CSMD1: variants seen among roughly 807,000 people sequenced by gnomAD.
The protein encoded by CSMD1 is CUB and Sushi multiple domains 1.
CSMD1 carries 213 observed loss-of-function variants against 417.5 expected under a neutral mutation model. The ratio of observed to expected loss-of-function variants is 0.51; its 90% CI spans 0.46 to 0.57. The LOEUF (loss-of-function observed/expected upper bound fraction) is 0.57. Among genes scored for constraint, CSMD1 ranks in the 20% least tolerant of loss-of-function variants. The pLI is 0.00. For missense variants in CSMD1, 6,923 were observed against 4,529.7 expected (o/e 1.53, Z -15.17); for synonymous variants, 2,862 against 1,736.8 (o/e 1.65, Z -16.11).
At chr8:2,954,661 C>T (rs556159667) in intron 64 of CSMD1, among the ~76,000 whole-genome samples, 153 of 152,280 alleles carry the variant, frequency 1.0e-3, no homozygotes, top group Non-Finnish European at 1.8e-3. Context: ...ATACCCCACC[C>T]AAATCAATCA....
chr8:3,900,149 G>C (rs1369770557), intron 5 of CSMD1, among the ~76,000 whole-genome samples: 1 of 152,080 alleles, frequency 6.6e-6, no homozygotes, highest in Non-Finnish European at 1.5e-5. Context: ...TGACAGTGCA[G>C]CTAGATGACA....
intron 11 of CSMD1, among the ~76,000 whole-genome samples, chr8:3,471,463 A>T (rs1448430306): frequency 6.6e-6 from 1 of 152,128 alleles, no homozygotes; most frequent in Non-Finnish European, 1.5e-5. Context: ...CTATATATCA[A>T]GTTTGGAATC....
chr8:3,905,889 A>G (rs887164239), intron 5 of CSMD1, among the ~76,000 whole-genome samples: 1 of 152,170 alleles, frequency 6.6e-6, no homozygotes, highest in Non-Finnish European at 1.5e-5. Context: ...CTGATCTCTT[A>G]CTATTTATTT....
rs149700524 is a variant in CSMD1 at position 4,277,240 on chromosome 8, T to C, written c.415+142713A>G. 6.6e-5 allele frequency among the ~76,000 whole-genome samples: 10 copies of C among 152,254 alleles called. No homozygotes were observed. In the East Asian group the frequency reaches 1.9e-3, roughly 29 times the overall value. On this transcript the variant is annotated intron_variant, in intron 3 of 69. Coordinates refer to ENST00000635120, the MANE Select transcript of CSMD1 (RefSeq NM_033225.6). ...ATACACACAGACACATACATACTGC[T>C]GTTAATCTTTAAGAATTTCTTATGA... is the stretch of plus-strand genomic sequence containing the variant.
At chr8:4,278,252 TC>T (rs2128857434) in intron 3 of CSMD1, among the ~76,000 whole-genome samples, 1 of 152,256 alleles carries the variant, frequency 6.6e-6, no homozygotes, top group African/African-American at 2.4e-5. Flanking sequence ...TGATTAAAAT[TC>T]AGTTTAATTT....
At chr8:3,509,913 G>T (rs1484421873) in intron 10 of CSMD1, among the ~76,000 whole-genome samples, 1 of 152,070 alleles carries the variant, frequency 6.6e-6, no homozygotes, top group East Asian at 1.9e-4. Context: ...AGCGATGAGG[G>T]CAACGCTTAA....
rs1554486884 is a variant in CSMD1, at chr8:4,461,162, C to CCACATA, written c.303-41098_303-41097insTATGTG. ...AAAATAAAGTCAGCTGATTGTCTTA[C>CCACATA]CAGATAAAAAGTGACAAAATTCAAC... On this transcript the variant is annotated intron_variant, in intron 2 of 69. Coordinates refer to ENST00000635120, the MANE Select transcript of CSMD1 (RefSeq NM_033225.6). Among the ~76,000 whole-genome samples the CCACATA allele has an allele frequency of 1.3e-5, 2 of 151,302 alleles. 1 individual carries two copies. Among genetic ancestry groups the CCACATA allele is most frequent in the Non-Finnish European group, 2.9e-5 (2 of 67,830 alleles).
At chr8:3,909,595 T>C (rs908989177) in intron 5 of CSMD1, among the ~76,000 whole-genome samples, 1 of 152,226 alleles carries the variant, frequency 6.6e-6, no homozygotes, top group South Asian at 2.1e-4. Context: ...GGAAAACTTC[T>C]AATAAGGCCC....
chr8:3,344,411 G>A (rs1161201437), intron 22 of CSMD1, among the ~76,000 whole-genome samples: 2 of 152,114 alleles, frequency 1.3e-5, no homozygotes, highest in African/African-American at 2.4e-5. Context: ...GTATACCTGG[G>A]TAACAAGCCT....
rs139561590 is a variant in CSMD1, at chr8:3,815,511, G to A, written c.819-61469C>T. On this transcript the variant is annotated intron_variant, in intron 5 of 69. Coordinates refer to ENST00000635120, the MANE Select transcript of CSMD1 (RefSeq NM_033225.6). ...AACTCAAAAATATGTGTAAGACTAT[G>A]TTTAAACAAGATATCAAACAAAATA... Among the ~76,000 whole-genome samples the A allele has an allele frequency of 2.6e-5, 4 of 151,266 alleles. No individual in the cohort carries two copies. The East Asian group carries it at 6.0e-4, about 23-fold the overall frequency.
chr8:4,486,660 G>A (rs1300595602), intron 2 of CSMD1, among the ~76,000 whole-genome samples: 1 of 152,030 alleles, frequency 6.6e-6, no homozygotes, highest in East Asian at 1.9e-4. Flanking sequence ...TATAGATGGG[G>A]AAACTGAAGT....
intron 5 of CSMD1, among the ~76,000 whole-genome samples, chr8:3,812,046 C>G (rs1345924464): frequency 6.6e-6 from 1 of 151,500 alleles, no homozygotes; most frequent in African/African-American, 2.4e-5. Flanking sequence ...AAAAAAAATT[C>G]CATAAAGCAT....
chr8:3,733,388 T>C (rs1447484117), intron 6 of CSMD1, among the ~76,000 whole-genome samples: 1 of 149,050 alleles, frequency 6.7e-6, no homozygotes, highest in Non-Finnish European at 1.5e-5. Flanking sequence ...ATATATATTA[T>C]CTGGATTAGA....
At chr8:4,102,375 A>G (rs1303318214) in intron 3 of CSMD1, among the ~76,000 whole-genome samples, 4 of 152,214 alleles carry the variant, frequency 2.6e-5, no homozygotes, top group East Asian at 3.8e-4. Context: ...GAAACTGGAC[A>G]TTGGTAACTT....
At chr8:4,024,137 T>A (rs1227095721) in intron 4 of CSMD1, among the ~76,000 whole-genome samples, 1 of 152,012 alleles carries the variant, frequency 6.6e-6, no homozygotes, top group Admixed American at 6.6e-5. Flanking sequence ...TTACCAAAAA[T>A]TAAAGAAATA....
chr8:4,506,880 A>C (rs1433704287), intron 2 of CSMD1, among the ~76,000 whole-genome samples: 1 of 152,220 alleles, frequency 6.6e-6, no homozygotes, highest in Non-Finnish European at 1.5e-5. Flanking sequence ...TATAACATAA[A>C]TAATTAGGGA....
chr8:4,807,960 G>C (rs1015875926), intron 1 of CSMD1, among the ~76,000 whole-genome samples: 2 of 152,170 alleles, frequency 1.3e-5, no homozygotes, highest in African/African-American at 2.4e-5. Flanking sequence ...CTCAGTAGGA[G>C]TTCACTTGGA....
chr8:4,341,747 G>A (rs761032092), intron 3 of CSMD1, among the ~76,000 whole-genome samples: 1 of 152,104 alleles, frequency 6.6e-6, no homozygotes, highest in African/African-American at 2.4e-5. Flanking sequence ...TAGGCAGTTA[G>A]GGTGCATTAA....
At chr8:4,950,711 G>C (rs1808683622) in intron 1 of CSMD1, among the ~76,000 whole-genome samples, 1 of 152,178 alleles carries the variant, frequency 6.6e-6, no homozygotes, top group South Asian at 2.1e-4. Flanking sequence ...AATAAAAAGA[G>C]TTGGTCATTG....
Sources: gnomAD v4.1 joint callset for allele counts (sites outside exome capture counted in the v4.1 genomes callset) on GRCh38, gnomAD v4.1.1 for gene constraint, MANE v1.5 for transcripts, NCBI Gene and HGNC (gene_info 2026-07-23, HGNC 2026-07-21) for gene names.